HMGCLL1: variants seen among roughly 807,000 people sequenced by gnomAD.
HMGCLL1 encodes the protein 3-hydroxymethyl-3-methylglutaryl-CoA lyase, cytoplasmic.
HMGCLL1 carries 36 observed loss-of-function variants against 39.1 expected under a neutral mutation model. The observed-to-expected ratio is 0.92, with a 90% confidence interval of 0.71 to 1.22. The LOEUF is 1.22. Ranked by LOEUF, HMGCLL1 falls within the 50% of genes most tolerant of loss-of-function variation. HMGCLL1 has a pLI of 0.00. For missense variants in HMGCLL1, 451 were observed against 416.5 expected (o/e 1.08, Z -0.72); for synonymous variants, 149 against 144.0 (o/e 1.03, Z -0.25).
chr6:55,650,057 T>TTTTATA, the HMGCLL1 span, among the ~76,000 whole-genome samples: 11 of 76,082 alleles, frequency 1.4e-4, no homozygotes, highest in Non-Finnish European at 1.8e-4. Flanking sequence ...GTCTGAAAGG[T>TTTTATA]TATATATATA....
chr6:55,570,356 C>A (rs539273891), intron 1 of HMGCLL1, among the ~76,000 whole-genome samples: 1 of 152,250 alleles, frequency 6.6e-6, no homozygotes, highest in South Asian at 2.1e-4. Flanking sequence ...GAAGAAGGCA[C>A]CTCTCCTGTA....
At chr6:55,577,374 T>A (rs1158814436) in intron 1 of HMGCLL1, among the ~76,000 whole-genome samples, 1 of 152,026 alleles carries the variant, frequency 6.6e-6, no homozygotes, top group South Asian at 2.1e-4. Context: ...AAATCTGTAC[T>A]TGAGAGACAA....
chr6:55,449,905 T>A (rs1764006481), intron 7 of HMGCLL1, among the ~76,000 whole-genome samples: 1 of 144,452 alleles, frequency 6.9e-6, no homozygotes, highest in Non-Finnish European at 1.5e-5. Flanking sequence ...AATAAACTGA[T>A]AATATATTGC....
At chr6:55,447,640 T>C (rs2127386374) in intron 7 of HMGCLL1, among the ~76,000 whole-genome samples, 1 of 152,114 alleles carries the variant, frequency 6.6e-6, no homozygotes, top group Middle Eastern at 3.4e-3. Flanking sequence ...AAATAATAAA[T>C]ACTATTAGCA....
upstream of HMGCLL1, among the ~76,000 whole-genome samples, chr6:55,581,646 T>C (rs1488947961): frequency 2.0e-5 from 3 of 152,002 alleles, no homozygotes; most frequent in Non-Finnish European, 2.9e-5. Context: ...AAAAAGAAGT[T>C]TGTGGAAGGT....
intron 3 of HMGCLL1, among the ~76,000 whole-genome samples, chr6:55,531,995 C>T (rs1250044928): frequency 6.6e-6 from 1 of 152,022 alleles, no homozygotes; most frequent in Non-Finnish European, 1.5e-5. Context: ...ACGTAATGCA[C>T]TTGAATCATC....
the HMGCLL1 span, among the ~76,000 whole-genome samples, chr6:55,666,849 A>G: frequency 1.3e-5 from 2 of 151,706 alleles, no homozygotes; most frequent in African/African-American, 2.4e-5. Context: ...TTAACCAGAC[A>G]TGGGAGGAGA....
chr6:55,668,740 G>A, the HMGCLL1 span, among the ~76,000 whole-genome samples: 2 of 151,788 alleles, frequency 1.3e-5, no homozygotes, highest in Non-Finnish European at 1.5e-5. Context: ...AACAGGGAAG[G>A]AAACTGCCAG....
intron 1 of HMGCLL1, among the ~76,000 whole-genome samples, chr6:55,576,811 T>C (rs1369636697): frequency 6.6e-6 from 1 of 152,154 alleles, no homozygotes; most frequent in African/African-American, 2.4e-5. Context: ...TTCCCTGCAA[T>C]AGGAAATATT....
At chr6:55,538,023 C>A (rs943819011) in intron 3 of HMGCLL1, among the ~76,000 whole-genome samples, 3 of 152,006 alleles carry the variant, frequency 2.0e-5, no homozygotes, top group Admixed American at 2.0e-4. Flanking sequence ...TTTTGTCCAT[C>A]TTTTCTCTTA....
intron 1 of HMGCLL1, among the ~76,000 whole-genome samples, chr6:55,567,430 T>C (rs150620764): frequency 1.4e-4 from 21 of 152,188 alleles, no homozygotes; most frequent in African/African-American, 4.3e-4. Context: ...CTCCCATGAT[T>C]TTGCTCTGTC....
chr6:55,543,482 ATATATG>A (rs1769746601), intron 1 of HMGCLL1, among the ~76,000 whole-genome samples: 1 of 11,970 alleles, frequency 8.4e-5, no homozygotes, highest in African/African-American at 2.1e-4. Context: ...TATATAATAT[ATATATG>A]ATATATATCA....
the HMGCLL1 span, among the ~76,000 whole-genome samples, chr6:55,625,504 G>A: frequency 2.6e-5 from 4 of 152,016 alleles, no homozygotes; most frequent in African/African-American, 7.2e-5. Flanking sequence ...ACTAGAGCCT[G>A]GTTCACAGAT....
At chr6:55,652,318 T>A in the HMGCLL1 span, among the ~76,000 whole-genome samples, 3 of 151,992 alleles carry the variant, frequency 2.0e-5, no homozygotes, top group African/African-American at 7.2e-5. Flanking sequence ...CATACCACTA[T>A]TAGTACATCA....
chr6:55,558,481 A>G (rs1251493812), intron 1 of HMGCLL1, among the ~76,000 whole-genome samples: 2 of 152,190 alleles, frequency 1.3e-5, no homozygotes, highest in Non-Finnish European at 2.9e-5. Flanking sequence ...AATTTACTAT[A>G]TAAATTTACT....
At chr6:55,562,996 A>C (rs1771025494) in intron 1 of HMGCLL1, among the ~76,000 whole-genome samples, 1 of 152,088 alleles carries the variant, frequency 6.6e-6, no homozygotes, top group Non-Finnish European at 1.5e-5. Flanking sequence ...ATAAATATAT[A>C]TATTCATATA....
rs1054682588 is a variant in HMGCLL1 at position 55,529,947 on chromosome 6, A to G, written c.297+11782T>C. On this transcript the variant is annotated intron_variant, in intron 3 of 8. Transcript: ENST00000274901. The stretch of plus-strand genomic sequence containing the variant: ...AGAGATGAAACTACTTCGCCAAATC[A>G]TATCATACATGAGTAAGAGTCAGGT... Among the ~76,000 whole-genome samples, 21 of 152,150 alleles carry G rather than the reference A, an allele frequency of 1.4e-4. No individual in the cohort carries two copies. The East Asian group carries it at 3.9e-3, about 28-fold the overall frequency.
chr6:55,533,498 C>T (rs1199705060), intron 3 of HMGCLL1, among the ~76,000 whole-genome samples: 1 of 152,108 alleles, frequency 6.6e-6, no homozygotes, highest in Non-Finnish European at 1.5e-5. Context: ...AAGAGATCCT[C>T]CTAGTGTGTA....
At chr6:55,602,283 C>A in the HMGCLL1 span, among the ~76,000 whole-genome samples, 1 of 151,854 alleles carries the variant, frequency 6.6e-6, no homozygotes, top group African/African-American at 2.4e-5. Context: ...TATTTACACT[C>A]CCACAAAAAA....
Sources: allele counts gnomAD v4.1 joint callset (sites outside exome capture counted in the v4.1 genomes callset), GRCh38; gene constraint gnomAD v4.1.1; transcripts MANE v1.5; gene names NCBI Gene and HGNC (gene_info 2026-07-23, HGNC 2026-07-21).